The following CYSLTR1 variants were observed in gnomAD, a reference collection of about 807,000 sequenced individuals.
CYSLTR1 encodes the protein cysteinyl leukotriene receptor 1.
In CYSLTR1, 1 loss-of-function variant was observed where a neutral mutation model predicts 2.1. That is an observed-to-expected ratio of 0.48 (90% CI 0.17 to 2.28). The LOEUF (loss-of-function observed/expected upper bound fraction) is 2.28, where lower values mean the gene tolerates loss of function less well. Among genes scored for constraint, CYSLTR1 ranks in the 30% most tolerant of loss-of-function variants. CYSLTR1 has a pLI of 0.26. For synonymous variants in CYSLTR1, 110 were observed against 89.6 expected (o/e 1.23, Z -1.28); for missense variants, 299 against 250.1 (o/e 1.20, Z -1.32).
At chrX:78,281,170 T>C (rs1183387249) in intron 2 of CYSLTR1, among the ~76,000 whole-genome samples, 1 of 111,719 alleles carries the variant, frequency 9.0e-6, no homozygotes, top group Non-Finnish European at 1.9e-5. Context: ...CACTACTTTC[T>C]ACAATGGCTG....
chrX:78,306,955 A>T (rs1165428789), intron 1 of CYSLTR1, among the ~76,000 whole-genome samples: 1 of 111,961 alleles, frequency 8.9e-6, no homozygotes, highest in Non-Finnish European at 1.9e-5. Context: ...GGGAGAAAAT[A>T]TTTTCAATGA....
intron 1 of CYSLTR1, among the ~76,000 whole-genome samples, chrX:78,322,912 G>A (rs1449372062): frequency 2.7e-5 from 3 of 111,635 alleles, no homozygotes; most frequent in Non-Finnish European, 5.6e-5. Context: ...ACATGACACT[G>A]TCAAACCAAA....
chrX:78,301,268 C>G (rs1297490949), intron 1 of CYSLTR1, among the ~76,000 whole-genome samples: 1 of 112,619 alleles, frequency 8.9e-6, no homozygotes, highest in Non-Finnish European at 1.9e-5. Flanking sequence ...ATTTCTGCAG[C>G]TGACTTGAAT....
At chrX:78,319,246 T>G (rs12843110) in intron 1 of CYSLTR1, 1 of 96,311 alleles carries the variant, frequency 1.0e-5, no homozygotes, top group African/African-American at 3.8e-5. Flanking sequence ...GTATATCTCT[T>G]AATGCTATCC....
Position 78,273,577 on chromosome X carries a change from G to A in CYSLTR1, c.170C>T (p.Ala57Val). ...TAAATTAATCATGTATACTTGGAAG[G>A]CTGACTTCTTGTGATAGGTTTTTAT... ...VLIKTYHKKS[A>V]FQVYMINLAV... The change falls in exon 3 of 3, where the codon GCC becomes GTC. Residue 57 changes from alanine (A) to valine (V), a missense_variant. Physicochemically the swap from Ala to Val is moderately conservative, Grantham distance 64. Coordinates refer to ENST00000373304, the MANE Select transcript of CYSLTR1 (RefSeq NM_006639.4). 3 of 1,211,504 alleles carry A rather than the reference G, an allele frequency of 2.5e-6. No individual in the cohort carries two copies. Among genetic ancestry groups the A allele is most frequent in the Non-Finnish European group, 3.4e-6 (3 of 895,452 alleles).
chrX:78,321,796 A>T (rs897994405), intron 1 of CYSLTR1: 8 of 111,103 alleles, frequency 7.2e-5, no homozygotes, highest in Non-Finnish European at 1.1e-4. Context: ...GATGTGTTTG[A>T]TTATAGGGTC....
chrX:78,297,493 AG>A (rs1247460010), intron 1 of CYSLTR1, among the ~76,000 whole-genome samples: 2 of 111,631 alleles, frequency 1.8e-5, no homozygotes, highest in Non-Finnish European at 3.8e-5. Flanking sequence ...AGAATTCATC[AG>A]TAATGCCATC....
intron 1 of CYSLTR1, among the ~76,000 whole-genome samples, chrX:78,326,442 T>C (rs1378044029): frequency 8.9e-6 from 1 of 112,289 alleles, no homozygotes; most frequent in Non-Finnish European, 1.9e-5. Context: ...TATGGTATCA[T>C]AGTTTCTCTC....
At chrX:78,317,686 A>T (rs1221548714) in intron 1 of CYSLTR1, among the ~76,000 whole-genome samples, 2 of 112,678 alleles carry the variant, frequency 1.8e-5, no homozygotes, top group African/African-American at 6.4e-5. Flanking sequence ...AGCAATCTGG[A>T]CAGAGTTGGA....
At chrX:78,274,929 G>T (rs1323145952) in intron 2 of CYSLTR1, among the ~76,000 whole-genome samples, 1 of 111,916 alleles carries the variant, frequency 8.9e-6, no homozygotes, top group East Asian at 2.8e-4. Flanking sequence ...GATATGAACA[G>T]ACAGTTCTCA....
intron 1 of CYSLTR1, among the ~76,000 whole-genome samples, chrX:78,292,345 G>A (rs1321034565): frequency 8.9e-6 from 1 of 112,013 alleles, no homozygotes; most frequent in Non-Finnish European, 1.9e-5. Context: ...AACTTGTTGT[G>A]ATTTCTGTTC....
intron 1 of CYSLTR1, among the ~76,000 whole-genome samples, chrX:78,293,492 T>C (rs1031555227): frequency 4.5e-5 from 5 of 111,298 alleles, no homozygotes; most frequent in Non-Finnish European, 9.4e-5. Context: ...CTTTTTGGCA[T>C]TCTCTGTATT....
At chrX:78,295,370 CTTTTT>C (rs36092711) in intron 1 of CYSLTR1, among the ~76,000 whole-genome samples, 29 of 86,596 alleles carry the variant, frequency 3.3e-4, no homozygotes, top group Non-Finnish European at 5.2e-4. Flanking sequence ...TCCTGATTTC[CTTTTT>C]TTTTTTTTTT....
At position 78,272,949 on chromosome X, in the gene CYSLTR1, G is replaced by A; in HGVS notation, c.798C>T (p.Pro266=). Residue 266 remains proline (P), a synonymous_variant, in exon 3 of 3, where the codon CCC becomes CCT. Coordinates refer to ENST00000373304, the MANE Select transcript of CYSLTR1 (RefSeq NM_006639.4). ...TCTGCATTCTAAGGACAGAATCACAGGGTTTAGTTTCATTGTGTAAAAAAT... is the reference window on the plus strand; with the variant it reads ...TCTGCATTCTAAGGACAGAATCACAAGGTTTAGTTTCATTGTGTAAAAAAT... ...HLHFLHNETK[P]CDSVLRMQKS... 1 of 1,211,006 alleles carries A rather than the reference G, an allele frequency of 8.3e-7. No individual in the cohort carries two copies. The highest frequency in any genetic ancestry group is 1.1e-6 in the Non-Finnish European group (1 of 895,084).
intron 1 of CYSLTR1, among the ~76,000 whole-genome samples, chrX:78,296,490 T>C (rs1256417968): frequency 1.8e-5 from 2 of 111,733 alleles, no homozygotes; most frequent in African/African-American, 6.5e-5. Flanking sequence ...CTTTGGGTAG[T>C]ATGGACATTT....
rs184360584 is a variant in CYSLTR1 at position 78,278,892 on chromosome X, A to G, written c.-28+4562T>C. ...TATTCAAAAAAATGGTGCTGAGATA[A>G]CTGGCTAGTGCCATATGCAGAAGAT... On this transcript the variant is annotated intron_variant, in intron 2 of 2. Coordinates refer to ENST00000373304, the MANE Select transcript of CYSLTR1 (RefSeq NM_006639.4). Among the ~76,000 whole-genome samples, 178 of 112,592 alleles carry G rather than the reference A, an allele frequency of 1.6e-3. 2 individuals are homozygous for G. The highest frequency in any genetic ancestry group is 5.2e-4 in the Non-Finnish European group (28 of 53,335).
intron 1 of CYSLTR1, chrX:78,320,291 G>A (rs1923592452): frequency 8.9e-6 from 1 of 111,762 alleles, no homozygotes; most frequent in Non-Finnish European, 1.9e-5. Context: ...TTTGTATAAG[G>A]TGTAAGGAAG....
At chrX:78,292,058 G>A (rs947765667) in intron 1 of CYSLTR1, among the ~76,000 whole-genome samples, 2 of 111,611 alleles carry the variant, frequency 1.8e-5, no homozygotes, top group Admixed American at 9.5e-5. Flanking sequence ...AAATTGTGAT[G>A]TTAGGGTGCC....
intron 2 of CYSLTR1, among the ~76,000 whole-genome samples, chrX:78,275,251 A>G (rs1921528629): frequency 8.9e-6 from 1 of 112,112 alleles, no homozygotes; most frequent in Non-Finnish European, 1.9e-5. Context: ...AGGATTATAA[A>G]TCATGCTGCT....
Sources: gnomAD v4.1 joint callset for allele counts (sites outside exome capture counted in the v4.1 genomes callset) on GRCh38, gnomAD v4.1.1 for gene constraint, MANE v1.5 for transcripts, NCBI Gene and HGNC (gene_info 2026-07-23, HGNC 2026-07-21) for gene names.